The following DCC variants were observed in gnomAD, a reference collection of about 807,000 sequenced individuals.
DCC encodes DCC netrin 1 receptor.
In DCC, 58 loss-of-function variants were observed where a neutral mutation model predicts 172.5. The ratio of observed to expected loss-of-function variants is 0.34; its 90% CI spans 0.27 to 0.42. DCC has a LOEUF of 0.42. DCC is among the 10% of genes least tolerant of loss of function. The pLI, the probability that DCC is intolerant of heterozygous loss-of-function variation, is 1.00. For synonymous variants in DCC, 709 were observed against 644.5 expected, an observed-to-expected ratio of 1.10 and a Z score of -1.52; for missense variants, 1,740 against 1,791.0, an observed-to-expected ratio of 0.97 and a Z score of 0.51.
intron 2 of DCC, among the ~76,000 whole-genome samples, chr18:52,885,245 T>C (rs779217366): frequency 6.6e-6 from 1 of 152,088 alleles, no homozygotes; most frequent in African/African-American, 2.4e-5. Context: ...CCCTTCAGAG[T>C]GGCAACTTCC....
At chr18:53,491,652 A>AAACTC (rs2045961034) in intron 26 of DCC, among the ~76,000 whole-genome samples, 1 of 152,050 alleles carries the variant, frequency 6.6e-6, no homozygotes, top group African/African-American at 2.4e-5. Context: ...CAAAGGATAT[A>AAACTC]AACTCATCCT....
chr18:53,383,938 T>A (rs1456179217), intron 15 of DCC, among the ~76,000 whole-genome samples: 1 of 152,162 alleles, frequency 6.6e-6, no homozygotes, highest in Non-Finnish European at 1.5e-5. Context: ...TAATAATTAT[T>A]GAAGTATTTA....
chr18:53,491,235 AG>A (rs1363870183), intron 26 of DCC, among the ~76,000 whole-genome samples: 1 of 152,222 alleles, frequency 6.6e-6, no homozygotes, highest in Admixed American at 6.5e-5. Context: ...GAGTAGGATT[AG>A]GAAAAAAGAA....
intron 7 of DCC, among the ~76,000 whole-genome samples, chr18:53,151,167 A>G (rs950977828): frequency 2.6e-5 from 4 of 152,230 alleles, no homozygotes; most frequent in Admixed American, 6.5e-5. Context: ...GAGTACATAC[A>G]AGGTATGATT....
intron 13 of DCC, among the ~76,000 whole-genome samples, chr18:53,313,222 G>A (rs1345802110): frequency 1.3e-5 from 2 of 152,054 alleles, no homozygotes; most frequent in East Asian, 1.9e-4. Context: ...TTCTCTAATA[G>A]GGTATATTTA....
intron 26 of DCC, among the ~76,000 whole-genome samples, chr18:53,495,171 C>A (rs1271485002): frequency 6.6e-6 from 1 of 152,088 alleles, no homozygotes; most frequent in Non-Finnish European, 1.5e-5. Context: ...GCTGGTGGAG[C>A]ACCTGAGGTC....
intron 1 of DCC, among the ~76,000 whole-genome samples, chr18:52,610,399 A>G (rs936808148): frequency 7.1e-5 from 10 of 141,378 alleles, no homozygotes; most frequent in Non-Finnish European, 1.4e-4. Context: ...AAAAAAAAAA[A>G]AAAAAAAAGA....
intron 12 of DCC, among the ~76,000 whole-genome samples, chr18:53,276,219 C>T (rs986857189): frequency 1.3e-5 from 2 of 152,134 alleles, no homozygotes; most frequent in Admixed American, 6.6e-5. Flanking sequence ...TATAGCTTCA[C>T]TCAACTGGGG....
intron 7 of DCC, among the ~76,000 whole-genome samples, chr18:53,146,760 A>G (rs1027094758): frequency 1.3e-5 from 2 of 152,242 alleles, no homozygotes; most frequent in African/African-American, 4.8e-5. Context: ...TGCCTCAGCT[A>G]CAATAGCAAC....
At chr18:53,258,632 C>G (rs1032302815) in intron 12 of DCC, among the ~76,000 whole-genome samples, 29 of 152,184 alleles carry the variant, frequency 1.9e-4, no homozygotes, top group East Asian at 7.7e-4. Flanking sequence ...TTACTTCCAA[C>G]TATGTGGTCA....
At chr18:52,528,697 C>A (rs2032055451) in intron 1 of DCC, among the ~76,000 whole-genome samples, 1 of 152,082 alleles carries the variant, frequency 6.6e-6, no homozygotes, top group Non-Finnish European at 1.5e-5. Context: ...TGCTTGTCTG[C>A]TCCTACTGTC....
chr18:53,118,572 G>A (rs1661179925), intron 7 of DCC, among the ~76,000 whole-genome samples: 1 of 151,740 alleles, frequency 6.6e-6, no homozygotes, highest in Non-Finnish European at 1.5e-5. Flanking sequence ...TACTAATTCT[G>A]AGTATATAAT....
At chr18:52,828,088 A>C (rs2038544213) in intron 2 of DCC, among the ~76,000 whole-genome samples, 1 of 151,974 alleles carries the variant, frequency 6.6e-6, no homozygotes, top group Non-Finnish European at 1.5e-5. Flanking sequence ...TTCAATTCCC[A>C]CATGCCCCAT....
chr18:52,975,896 A>G (rs1364432709), intron 5 of DCC, among the ~76,000 whole-genome samples: 7 of 152,180 alleles, frequency 4.6e-5, no homozygotes. Flanking sequence ...GCTGGGTCAA[A>G]TGGTATTTCT....
intron 1 of DCC, among the ~76,000 whole-genome samples, chr18:52,516,590 A>G (rs1489435919): frequency 6.6e-6 from 1 of 152,240 alleles, no homozygotes; most frequent in East Asian, 1.9e-4. Flanking sequence ...TTAAATAAAA[A>G]TGAAAAAGAT....
intron 12 of DCC, among the ~76,000 whole-genome samples, chr18:53,262,018 G>A (rs995142089): frequency 1.3e-5 from 2 of 152,124 alleles, no homozygotes; most frequent in Admixed American, 1.3e-4. Context: ...AGAAAAGAGG[G>A]GAACAATTGA....
At chr18:52,945,758 C>T (rs771792281) in intron 5 of DCC, among the ~76,000 whole-genome samples, 11 of 129,558 alleles carry the variant, frequency 8.5e-5, no homozygotes, top group Non-Finnish European at 1.8e-4. Context: ...AAGCTGTCCA[C>T]TGCTTGTCAA....
intron 15 of DCC, among the ~76,000 whole-genome samples, chr18:53,368,462 T>A (rs1344452037): frequency 8.7e-6 from 1 of 114,694 alleles, no homozygotes; most frequent in Non-Finnish European, 2.1e-5. Flanking sequence ...AAATTGCCTA[T>A]TTTTCCTTTT....
intron 5 of DCC, among the ~76,000 whole-genome samples, chr18:53,003,117 A>G (rs2041591700): frequency 6.6e-6 from 1 of 152,164 alleles, no homozygotes; most frequent in Non-Finnish European, 1.5e-5. Flanking sequence ...AGCAAAAGGA[A>G]TGCTGTCAGG....
Sources: allele counts gnomAD v4.1 joint callset (sites outside exome capture counted in the v4.1 genomes callset), GRCh38; gene constraint gnomAD v4.1.1; transcripts MANE v1.5; gene names NCBI Gene and HGNC (gene_info 2026-07-23, HGNC 2026-07-21).